Variants in RPS29 observed in about 807,000 individuals in gnomAD.
RPS29 encodes the protein small ribosomal subunit protein uS14.
For synonymous variants in RPS29, 37 were observed against 26.9 expected, an observed-to-expected ratio of 1.37 and a Z score of -1.16; for missense variants, 60 against 75.7, an observed-to-expected ratio of 0.79 and a Z score of 0.77.
Position 49,586,052 on chromosome 14 carries a change from G to GT in RPS29, c.63-4dup, listed in dbSNP as rs776292421. 1 of 1,610,668 alleles carries GT rather than the reference G, an allele frequency of 6.2e-7. No homozygotes were observed. Among genetic ancestry groups the GT allele is most frequent in the Non-Finnish European group, 8.5e-7 (1 of 1,177,230 alleles). ...CGTGCCGGTTTGAACAGACACGACT[G>GT]TAAGAAAAGAGACAGCGGTTTTGCA... On this transcript the variant is annotated splice_region_variant and splice_polypyrimidine_tract_variant and intron_variant, in intron 1 of 2. Coordinates refer to ENST00000245458, the MANE Select transcript of RPS29 (RefSeq NM_001032.5).
upstream of RPS29, chr14:49,586,385 T>A: frequency 6.3e-7 from 1 of 1,581,436 alleles, no homozygotes; most frequent in Non-Finnish European, 8.7e-7. Flanking sequence ...AGGAAGAAGC[T>A]GGCCCACGCA....
At chr14:49,582,676 G>T (rs142071871), downstream of RPS29, among the ~76,000 whole-genome samples, 4 of 152,274 alleles carry the variant, frequency 2.6e-5, no homozygotes, top group South Asian at 8.3e-4. Flanking sequence ...CTTGGATTGC[G>T]TAGGGGCTCT....
rs542287639 is a variant in RPS29 at position 49,585,774 on chromosome 14, T to C, written c.162+176A>G. 3.8e-4 allele frequency: 223 copies of C among 589,864 alleles called. No individual in the cohort carries two copies. In the East Asian group the frequency reaches 5.6e-3, roughly 15 times the overall value. The allele number at this position is 589,864 out of a possible 1,614,324, so 36.5% of individuals were successfully genotyped here. A position where few individuals can be genotyped will look rare whatever the true frequency, so the allele number is the denominator to read the frequency against. ...CACCTTCTCCATTCTATTAATTTGA[T>C]TGCCCAAACCATCAACACTGTCACC... On this transcript the variant is annotated intron_variant, in intron 2 of 2. Coordinates refer to ENST00000245458, the MANE Select transcript of RPS29 (RefSeq NM_001032.5).
exon 3 of RPS29, chr14:49,576,252 T>G (rs1050647756): frequency 1.3e-5 from 2 of 149,818 alleles, no homozygotes; most frequent in African/African-American, 4.9e-5. Flanking sequence ...CCTGGCTAAT[T>G]GTTTTTGGGT....
At chr14:49,590,247 G>A (rs1881682559), upstream of RPS29, among the ~76,000 whole-genome samples, 2 of 152,144 alleles carry the variant, frequency 1.3e-5, no homozygotes, top group Admixed American at 6.5e-5. Context: ...GGAGGCTGAG[G>A]CAGGCAGATC....
At position 49,597,857 on chromosome 14, in the gene RPS29, C is replaced by G. The variant is rs1479032684; in HGVS notation, c.-133+543G>C. The G allele has an allele frequency of 3.3e-5, 5 of 152,328 alleles. No individual in the cohort carries two copies. The East Asian group carries it at 9.7e-4, about 29-fold the overall frequency. 9.4% of individuals were successfully genotyped at this position (152,328 alleles called of 1,614,324 possible). On this transcript the variant is annotated intron_variant, in intron 1 of 3. Transcript: ENST00000556230. Reference sequence around the variant, plus strand: ...AGAGACTGGGTTTTGCCATGTTGCCCAAACTGGTCTTGAACTCCTGGGCTC... The same window carrying G: ...AGAGACTGGGTTTTGCCATGTTGCCGAAACTGGTCTTGAACTCCTGGGCTC...
chr14:49,583,365 A>G (rs1881400408), downstream of RPS29, among the ~76,000 whole-genome samples: 1 of 152,172 alleles, frequency 6.6e-6, no homozygotes, highest in African/African-American at 2.4e-5. Flanking sequence ...CCTGGTCAAC[A>G]TGGTGAAACC....
Position 49,586,302 on chromosome 14 carries a change from G to A in RPS29, c.45C>T (p.Gly15=). 1 of 1,613,872 alleles carries A rather than the reference G, an allele frequency of 6.2e-7. No individual in the cohort carries two copies. The highest frequency in any genetic ancestry group is 8.5e-7 in the Non-Finnish European group (1 of 1,179,778). Residue 15 remains glycine, a synonymous_variant, in exon 1 of 3, where the codon GGC becomes GGT. Transcript: ENST00000245458. ...TTTCTCACCAAGAGCGAGAACCCTG[G>A]CCGAATTTTCGCGGGTGGCTCCAGT... ...QLYWSHPRKF[G]QGSRSCRVCS...
At chr14:49,589,553 A>T (rs1453319736), upstream of RPS29, among the ~76,000 whole-genome samples, 1 of 152,246 alleles carries the variant, frequency 6.6e-6, no homozygotes, top group Non-Finnish European at 1.5e-5. Flanking sequence ...AATCATTTAA[A>T]AACCTTCATC....
chr14:49,582,012 C>CAAAA (rs58507206), downstream of RPS29, among the ~76,000 whole-genome samples: 721 of 106,416 alleles, frequency 6.8e-3, 13 homozygotes, highest in African/African-American at 0.031. Flanking sequence ...CCCTGCCCCC[C>CAAAA]AAAAAAAAAA....
chr14:49,588,908 G>A (rs1409129716), upstream of RPS29, among the ~76,000 whole-genome samples: 3 of 109,652 alleles, frequency 2.7e-5, no homozygotes, highest in Non-Finnish European at 5.4e-5. Context: ...TTTTTGAGAC[G>A]GAGTCTGGAG....
chr14:49,573,539 A>C (rs1211630879), exon 3 of RPS29: 1 of 151,852 alleles, frequency 6.6e-6, no homozygotes, highest in Non-Finnish European at 1.5e-5. Flanking sequence ...ATTAAACCAC[A>C]CTGGGCAGAG....
chr14:49,572,573 CAGT>C (rs1373927091), exon 3 of RPS29: 1 of 152,066 alleles, frequency 6.6e-6, no homozygotes, highest in East Asian at 1.9e-4. Context: ...GCTTTTAACT[CAGT>C]GGTGGAGTTT....
chr14:49,582,634 T>A (rs960302415), downstream of RPS29, among the ~76,000 whole-genome samples: 2 of 152,240 alleles, frequency 1.3e-5, no homozygotes. Flanking sequence ...GTACAATTGT[T>A]ATCCACAAGT....
chr14:49,577,627 A>G (rs959654188), exon 3 of RPS29: 4 of 709,892 alleles, frequency 5.6e-6, no homozygotes, highest in Non-Finnish European at 7.6e-6. Context: ...CCCATAACCA[A>G]TGTTGGGCAT....
At chr14:49,585,591 A>G in intron 2 of RPS29, 1 of 374,934 alleles carries the variant, frequency 2.7e-6, no homozygotes, top group Non-Finnish European at 4.7e-6. Flanking sequence ...TCTAAAAAAA[A>G]AAAAAAGAGA....
At chr14:49,573,339 G>T (rs981179579) in exon 3 of RPS29, 1 of 151,586 alleles carries the variant, frequency 6.6e-6, no homozygotes, top group Non-Finnish European at 1.5e-5. Context: ...GTAATGGTGC[G>T]CACCTGTAAT....
At chr14:49,576,375 T>A (rs1881180806) in exon 3 of RPS29, 2 of 152,180 alleles carry the variant, frequency 1.3e-5, no homozygotes, top group African/African-American at 4.8e-5. Context: ...AAGGCTAGGA[T>A]TACAGGCATG....
intron 1 of RPS29, 82 bp from the exon 2 acceptor site, chr14:49,586,131 G>T: frequency 2.1e-6 from 3 of 1,430,906 alleles, no homozygotes; most frequent in Non-Finnish European, 3.0e-6. Flanking sequence ...CGCATCCCGG[G>T]ACTCCCAAGC....
Sources: gnomAD v4.1 joint callset for allele counts (sites outside exome capture counted in the v4.1 genomes callset) on GRCh38, gnomAD v4.1.1 for gene constraint, MANE v1.5 for transcripts, NCBI Gene and HGNC (gene_info 2026-07-23, HGNC 2026-07-21) for gene names.